Variants in ZNF423 observed in about 807,000 individuals in gnomAD.
ZNF423 encodes the protein zinc finger protein 423.
Under a neutral mutation model 95.8 loss-of-function variants are expected in ZNF423, and 12 were observed. That is an observed-to-expected ratio of 0.13 (90% CI 0.08 to 0.20). The LOEUF is 0.20. ZNF423 is among the 10% of genes least tolerant of loss of function. The pLI, the probability that ZNF423 is intolerant of heterozygous loss-of-function variation, is 1.00. For missense variants in ZNF423, 1,316 were observed against 1,737.1 expected (o/e 0.76, Z 4.31); for synonymous variants, 749 against 711.9 (o/e 1.05, Z -0.83).
chr16:49,601,008 TG>T (rs376720083), intron 5 of ZNF423, among the ~76,000 whole-genome samples: 72 of 152,176 alleles, frequency 4.7e-4, no homozygotes, highest in African/African-American at 1.7e-3. Context: ...AAAGAAAAAA[TG>T]GGGACTATTA....
intron 5 of ZNF423, among the ~76,000 whole-genome samples, chr16:49,549,031 G>GA (rs1969538043): frequency 6.6e-6 from 1 of 152,062 alleles, no homozygotes; most frequent in African/African-American, 2.4e-5. Context: ...GATGAGTGGT[G>GA]AAAAAAAGTA....
At chr16:49,723,498 T>C (rs766882028) in intron 3 of ZNF423, among the ~76,000 whole-genome samples, 5 of 152,224 alleles carry the variant, frequency 3.3e-5, no homozygotes, top group Non-Finnish European at 7.3e-5. Context: ...ATCTTTTGCC[T>C]GTGATATGTG....
chr16:49,753,750 G>T (rs1489697645), intron 2 of ZNF423, among the ~76,000 whole-genome samples: 1 of 152,212 alleles, frequency 6.6e-6, no homozygotes, highest in African/African-American at 2.4e-5. Flanking sequence ...CAGGCATTTG[G>T]CTGGGCATGG....
At chr16:49,730,723 A>G in intron 3 of ZNF423, 48 bp downstream of exon 3, 1 of 1,598,190 alleles carries the variant, frequency 6.3e-7, no homozygotes, top group Non-Finnish European at 8.6e-7. Flanking sequence ...GCTATGTCCA[A>G]TTACCCGTGT....
upstream of ZNF423, among the ~76,000 whole-genome samples, chr16:49,858,995 G>A (rs2035402855): frequency 6.6e-6 from 1 of 152,224 alleles, no homozygotes; most frequent in Non-Finnish European, 1.5e-5. The surrounding 1 kb of genome is among the most constrained non-coding windows in gnomAD (Gnocchi z 4.3). Flanking sequence ...GGTAGGGGGC[G>A]GGGAACGGCC....
rs767856376 is a variant in ZNF423 at position 49,638,387 on chromosome 16, C to T, written c.789G>A (p.Glu263=). 6.2e-7 allele frequency: 1 copy of T among 1,613,990 alleles called. No homozygotes were observed. The highest frequency in any genetic ancestry group is 8.5e-7 in the Non-Finnish European group (1 of 1,180,050). Reference sequence around the variant, plus strand: ...TGAAGTCGTCCTTCTTGGCTTCCTTCTCCGACTTGGCCAGATGCTCCTTGT... The same window carrying T: ...TGAAGTCGTCCTTCTTGGCTTCCTTTTCCGACTTGGCCAGATGCTCCTTGT... The part of the protein sequence containing the change: ...KKNKEHLAKS[E]KEAKKDDFMC... Residue 263 remains glutamate (E), a synonymous_variant, in exon 4 of 8, where the codon GAG becomes GAA. Coordinates refer to ENST00000563137, the MANE Select transcript of ZNF423 (RefSeq NM_001379286.1). This position sits in a 1 kb window ranked among gnomAD's most constrained non-coding sequence, Gnocchi z 5.6.
intron 7 of ZNF423, among the ~76,000 whole-genome samples, chr16:49,502,339 A>G (rs1160975475): frequency 6.6e-6 from 1 of 152,222 alleles, no homozygotes; most frequent in Non-Finnish European, 1.5e-5. Flanking sequence ...CTGTTAAGAC[A>G]GAACCATCCA....
chr16:49,653,778 A>G (rs1973502056), intron 3 of ZNF423, among the ~76,000 whole-genome samples: 1 of 152,154 alleles, frequency 6.6e-6, no homozygotes, highest in African/African-American at 2.4e-5. Flanking sequence ...CCTTCAAGAC[A>G]CTGCCTCCCG....
intron 5 of ZNF423, among the ~76,000 whole-genome samples, chr16:49,582,886 A>C (rs913531670): frequency 6.6e-6 from 1 of 152,266 alleles, no homozygotes; most frequent in Non-Finnish European, 1.5e-5. Flanking sequence ...CTATCACCAA[A>C]GATCAGTTTT....
chr16:49,621,502 G>T (rs989526864), intron 5 of ZNF423, among the ~76,000 whole-genome samples: 1 of 152,126 alleles, frequency 6.6e-6, no homozygotes, highest in Non-Finnish European at 1.5e-5. Flanking sequence ...CTATAAAAAG[G>T]CCGGTTTACC....
intron 3 of ZNF423, among the ~76,000 whole-genome samples, chr16:49,701,403 G>A (rs770745488): frequency 6.6e-6 from 1 of 152,050 alleles, no homozygotes; most frequent in Non-Finnish European, 1.5e-5. Context: ...AAACCAGTTC[G>A]CACGGGAGAT....
intron 5 of ZNF423, among the ~76,000 whole-genome samples, chr16:49,617,741 G>A (rs1415865789): frequency 6.6e-6 from 1 of 152,028 alleles, no homozygotes; most frequent in Non-Finnish European, 1.5e-5. Context: ...CCTGGAACCC[G>A]GAAAGTCCAC....
intron 1 of ZNF423, among the ~76,000 whole-genome samples, chr16:49,815,271 A>G (rs1261701783): frequency 1.3e-5 from 2 of 152,044 alleles, no homozygotes; most frequent in Non-Finnish European, 2.9e-5. Context: ...CAGCTGCTCC[A>G]CCAAAACGAA....
intron 3 of ZNF423, among the ~76,000 whole-genome samples, chr16:49,665,021 C>T (rs1284031072): frequency 6.6e-6 from 1 of 152,374 alleles, no homozygotes; most frequent in South Asian, 2.1e-4. Flanking sequence ...TCCGCTCAGC[C>T]TTGGTCAGGT....
At chr16:49,629,715 C>T (rs1364291016) in intron 4 of ZNF423, among the ~76,000 whole-genome samples, 1 of 152,208 alleles carries the variant, frequency 6.6e-6, no homozygotes, top group Non-Finnish European at 1.5e-5. Context: ...ACCTTTGAGG[C>T]AGCACATGAA....
intron 3 of ZNF423, among the ~76,000 whole-genome samples, chr16:49,646,878 C>T (rs150045382): frequency 6.6e-6 from 1 of 152,324 alleles, no homozygotes; most frequent in East Asian, 1.9e-4. Context: ...AGCTGTATGA[C>T]ACATTTTCTA....
intron 5 of ZNF423, among the ~76,000 whole-genome samples, chr16:49,588,432 C>T (rs1310992411): frequency 6.6e-6 from 1 of 152,212 alleles, no homozygotes; most frequent in African/African-American, 2.4e-5. Flanking sequence ...ATGAGGCCCA[C>T]AAGTGAAAAC....
At chr16:49,493,769 G>A (rs1967058751) in intron 7 of ZNF423, among the ~76,000 whole-genome samples, 1 of 152,194 alleles carries the variant, frequency 6.6e-6, no homozygotes. Flanking sequence ...AAAGGGGAGA[G>A]GGCATTCCAA....
At chr16:49,694,210 A>G (rs2031888674) in intron 3 of ZNF423, among the ~76,000 whole-genome samples, 1 of 152,184 alleles carries the variant, frequency 6.6e-6, no homozygotes, top group Non-Finnish European at 1.5e-5. Context: ...CAGGAGGGAG[A>G]GGGAGGGAGA....
Sources: gnomAD v4.1 joint callset for allele counts (sites outside exome capture counted in the v4.1 genomes callset) on GRCh38, gnomAD v4.1.1 for gene constraint, Gnocchi (gnomAD v3.1) non-coding constraint, MANE v1.5 for transcripts, NCBI Gene and HGNC (gene_info 2026-07-23, HGNC 2026-07-21) for gene names.